Variants in SH3BGRL2 observed in about 807,000 individuals in gnomAD.
The protein encoded by SH3BGRL2 is SH3 domain-binding glutamic acid-rich-like protein 2.
In SH3BGRL2, 21 loss-of-function variants were observed where a neutral mutation model predicts 14.8. That is an observed-to-expected ratio of 1.42 (90% CI 1.01 to 2.05). The LOEUF is 2.05. Among genes scored for constraint, SH3BGRL2 ranks in the 30% most tolerant of loss-of-function variants. The pLI is 0.00. For synonymous variants in SH3BGRL2, 50 were observed against 47.8 expected (o/e 1.05, Z -0.19); for missense variants, 147 against 130.8 (o/e 1.12, Z -0.61).
chr6:79,665,752 T>G lies in SH3BGRL2; in HGVS notation c.46-7862T>G, dbSNP rs1294478888. Among the ~76,000 whole-genome samples the G allele has an allele frequency of 2.6e-5, 4 of 152,248 alleles. 1 individual carries two copies. The highest frequency in any genetic ancestry group is 5.9e-5 in the Non-Finnish European group (4 of 68,040). On this transcript the variant is annotated intron_variant, in intron 1 of 3. Transcript: ENST00000369838. ...ACCACAGCATTTTCTATCATTAAAA[T>G]TATATTGTTTCAATTTATAACATGT...
chr6:79,652,219 G>A (rs1431025279), intron 1 of SH3BGRL2, among the ~76,000 whole-genome samples: 2 of 152,158 alleles, frequency 1.3e-5, no homozygotes, highest in Admixed American at 6.5e-5. Context: ...ACTCAGAAGT[G>A]TGTCTGCAGC....
upstream of SH3BGRL2, among the ~76,000 whole-genome samples, chr6:79,629,423 G>A (rs998562444): frequency 1.3e-5 from 2 of 151,228 alleles, no homozygotes; most frequent in African/African-American, 2.4e-5. Context: ...AGGCCCTGCT[G>A]TATGTACAGG....
chr6:79,672,633 A>G (rs545020265), intron 1 of SH3BGRL2, among the ~76,000 whole-genome samples: 3 of 152,322 alleles, frequency 2.0e-5, no homozygotes, highest in South Asian at 4.1e-4. Flanking sequence ...TATAGTATAT[A>G]TACGGGTTTG....
the SH3BGRL2 span, among the ~76,000 whole-genome samples, chr6:79,609,605 T>C: frequency 1.3e-5 from 2 of 152,120 alleles, no homozygotes; most frequent in African/African-American, 4.8e-5. Flanking sequence ...GCTCAGACAG[T>C]TCTGAGTTCA....
the SH3BGRL2 span, among the ~76,000 whole-genome samples, chr6:79,544,564 G>T: frequency 1.3e-5 from 2 of 152,102 alleles, no homozygotes; most frequent in East Asian, 3.9e-4. Context: ...AGAGCCACTG[G>T]TTAAACCTTT....
At chr6:79,578,686 A>C in the SH3BGRL2 span, among the ~76,000 whole-genome samples, 158 of 152,344 alleles carry the variant, frequency 1.0e-3, no homozygotes, top group African/African-American at 3.7e-3. Flanking sequence ...AACCACAGAG[A>C]TGGGGAGAAG....
chr6:79,651,320 A>G (rs1306634240), intron 1 of SH3BGRL2, among the ~76,000 whole-genome samples: 1 of 152,252 alleles, frequency 6.6e-6, no homozygotes, highest in Non-Finnish European at 1.5e-5. Context: ...GAAGAGTTGT[A>G]TATAATTTTC....
intron 1 of SH3BGRL2, among the ~76,000 whole-genome samples, chr6:79,669,240 G>T (rs1769722405): frequency 6.6e-6 from 1 of 152,040 alleles, no homozygotes; most frequent in Non-Finnish European, 1.5e-5. Flanking sequence ...AATAAATTTA[G>T]GCAATAAAAC....
the SH3BGRL2 span, among the ~76,000 whole-genome samples, chr6:79,538,240 ATTG>A: frequency 6.6e-6 from 1 of 151,868 alleles, no homozygotes; most frequent in Admixed American, 6.6e-5. Flanking sequence ...TGTTCTCACT[ATTG>A]TTAATTTCTC....
At chr6:79,622,651 A>C in the SH3BGRL2 span, among the ~76,000 whole-genome samples, 1 of 152,178 alleles carries the variant, frequency 6.6e-6, no homozygotes, top group East Asian at 1.9e-4. Flanking sequence ...AGCATGTAGT[A>C]CAGTGTCTAG....
In SH3BGRL2 at chr6:79,698,840, C is replaced by G. The variant is rs115062527; in HGVS notation, c.313-658C>G. 5.2e-3 allele frequency among the ~76,000 whole-genome samples: 784 copies of G among 152,192 alleles called. 9 individuals are homozygous for G. Among genetic ancestry groups the G allele is most frequent in the African/African-American group, 0.018 (742 of 41,526 alleles). ...GCCAACTAATTCTGAGAAAGGGAGG[C>G]CATTTCACCGATACTTTTTAGGTAG... On this transcript the variant is annotated intron_variant, in intron 3 of 3. Coordinates refer to ENST00000369838, the MANE Select transcript of SH3BGRL2 (RefSeq NM_031469.4).
intron 1 of SH3BGRL2, among the ~76,000 whole-genome samples, chr6:79,660,286 T>C (rs959562989): frequency 9.9e-5 from 15 of 152,206 alleles, no homozygotes; most frequent in East Asian, 1.9e-4. Context: ...TTGTCATAAA[T>C]AGCTCTTATT....
At chr6:79,544,679 A>G in the SH3BGRL2 span, among the ~76,000 whole-genome samples, 6 of 152,220 alleles carry the variant, frequency 3.9e-5, no homozygotes, top group African/African-American at 1.4e-4. Context: ...AATTTTAGTT[A>G]GTAAAAATCA....
chr6:79,594,627 A>G, the SH3BGRL2 span, among the ~76,000 whole-genome samples: 1 of 152,112 alleles, frequency 6.6e-6, no homozygotes, highest in Non-Finnish European at 1.5e-5. Flanking sequence ...GGAAAGGTCA[A>G]GACAGCTGGC....
chr6:79,590,038 T>G, the SH3BGRL2 span, among the ~76,000 whole-genome samples: 1 of 152,078 alleles, frequency 6.6e-6, no homozygotes, highest in Admixed American at 6.6e-5. Flanking sequence ...TTCCCAAAGT[T>G]CTGGGATTAT....
the SH3BGRL2 span, among the ~76,000 whole-genome samples, chr6:79,611,127 C>G: frequency 1.3e-5 from 2 of 152,130 alleles, no homozygotes; most frequent in African/African-American, 4.8e-5. Flanking sequence ...ATAGTCTAAT[C>G]TTCCTTTGTG....
At chr6:79,645,998 G>C (rs550419473) in intron 1 of SH3BGRL2, among the ~76,000 whole-genome samples, 2 of 152,352 alleles carry the variant, frequency 1.3e-5, no homozygotes, top group South Asian at 4.1e-4. Context: ...ACCAGGGTTT[G>C]TCATCAGTGG....
At chr6:79,646,305 TCTGATAAGGTATGACCTGTTAAATGA>T (rs1769142963) in intron 1 of SH3BGRL2, among the ~76,000 whole-genome samples, 1 of 152,226 alleles carries the variant, frequency 6.6e-6, no homozygotes, top group African/African-American at 2.4e-5. Context: ...ATCTTCCTCT[TCTGATAAGGTATGACCTGTTAAATGA>T]CTAGTTCAAG....
intron 3 of SH3BGRL2, 22 bp from the exon 4 acceptor site, chr6:79,699,463 CTTTTTTTTTTTTT>C (rs35728679): frequency 9.8e-5 from 86 of 881,016 alleles, no homozygotes; most frequent in African/African-American, 3.0e-4. Flanking sequence ...CAATAACTGA[CTTTTTTTTTTTTT>C]TTTTTTTTTT....
Sources: gnomAD v4.1 joint callset for allele counts (sites outside exome capture counted in the v4.1 genomes callset) on GRCh38, gnomAD v4.1.1 for gene constraint, MANE v1.5 for transcripts, NCBI Gene and HGNC (gene_info 2026-07-23, HGNC 2026-07-21) for gene names.